UCK2: variants seen among roughly 807,000 people sequenced by gnomAD.
UCK2 encodes the protein uridine-cytidine kinase 2.
UCK2 carries 6 observed loss-of-function variants against 30.8 expected under a neutral mutation model. That is an observed-to-expected ratio of 0.19 (90% CI 0.11 to 0.38). The LOEUF (loss-of-function observed/expected upper bound fraction) is 0.38, where lower values mean the gene tolerates loss of function less well. Among genes scored for constraint, UCK2 ranks in the 10% least tolerant of loss-of-function variants. UCK2 has a pLI of 1.00. For missense variants in UCK2, 210 were observed against 339.8 expected, an observed-to-expected ratio of 0.62 and a Z score of 3.00; for synonymous variants, 125 against 133.6, an observed-to-expected ratio of 0.94 and a Z score of 0.45.
chr1:165,831,076 C>A (rs924323699), intron 1 of UCK2, among the ~76,000 whole-genome samples: 1 of 151,986 alleles, frequency 6.6e-6, no homozygotes, highest in Non-Finnish European at 1.5e-5. Context: ...CCACTACACT[C>A]CAGCCTGGGT....
At chr1:165,864,351 G>A (rs1654994240) in intron 1 of UCK2, among the ~76,000 whole-genome samples, 2 of 152,162 alleles carry the variant, frequency 1.3e-5, no homozygotes, top group Admixed American at 6.5e-5. Flanking sequence ...CACACCCAGG[G>A]TGCCAAGTGA....
At chr1:165,863,400 C>T (rs1179898579) in intron 1 of UCK2, among the ~76,000 whole-genome samples, 1 of 152,174 alleles carries the variant, frequency 6.6e-6, no homozygotes, top group Non-Finnish European at 1.5e-5. Context: ...TTTAGATTTG[C>T]AGCAGTATTA....
intron 1 of UCK2, among the ~76,000 whole-genome samples, chr1:165,879,863 ACT>A (rs566504555): frequency 2.6e-5 from 4 of 152,042 alleles, no homozygotes; most frequent in Non-Finnish European, 1.5e-5. Flanking sequence ...TGTGAAAGAG[ACT>A]CTGAAAAAGG....
intron 1 of UCK2, among the ~76,000 whole-genome samples, chr1:165,843,602 C>T (rs1210483921): frequency 6.6e-6 from 1 of 152,052 alleles, no homozygotes; most frequent in Non-Finnish European, 1.5e-5. Context: ...CATAGTAGAA[C>T]CCCCCATCTC....
chr1:165,831,267 C>A (rs1654040233), intron 1 of UCK2, among the ~76,000 whole-genome samples: 1 of 151,622 alleles, frequency 6.6e-6, no homozygotes, highest in African/African-American at 2.4e-5. Context: ...GTATGTGCCA[C>A]CAGCTTCTCA....
chr1:165,891,231 T>A lies in UCK2; in HGVS notation c.265T>A (p.Phe89Ile). ...AACAATTTGGTATTTTTCAGATGCCTTTGACAATGAACTCATTCTCAAAAC... is the reference window on the plus strand; with the variant it reads ...AACAATTTGGTATTTTTCAGATGCCATTGACAATGAACTCATTCTCAAAAC... Reference protein sequence around the residue: ...GQFNFDHPDAFDNELILKTLK... With the variant: ...GQFNFDHPDAIDNELILKTLK... Residue 89 changes from phenylalanine to isoleucine, a missense_variant, in exon 3 of 7, where the codon TTT (phenylalanine) becomes ATT (isoleucine). Coordinates refer to ENST00000367879, the MANE Select transcript of UCK2 (RefSeq NM_012474.5). 1 of 1,614,072 alleles carries A rather than the reference T, an allele frequency of 6.2e-7. No individual in the cohort carries two copies. The highest frequency in any genetic ancestry group is 8.5e-7 in the Non-Finnish European group (1 of 1,179,894).
At chr1:165,905,609 C>T (rs1647630297) in intron 5 of UCK2, among the ~76,000 whole-genome samples, 1 of 152,206 alleles carries the variant, frequency 6.6e-6, no homozygotes, top group Non-Finnish European at 1.5e-5. Context: ...GGATTAACCA[C>T]TCAGTCTGGA....
At position 165,891,460 on chromosome 1, in the gene UCK2, G is replaced by A. The variant is rs1416672797; in HGVS notation, c.356+138G>A. 5 of 721,982 alleles carry A rather than the reference G, an allele frequency of 6.9e-6. No homozygotes were observed. In the Admixed American group the frequency reaches 1.3e-4, roughly 18 times the overall value. The allele number at this position is 721,982 out of a possible 1,614,324, so 44.7% of individuals were successfully genotyped here. A position where few individuals can be genotyped will look rare whatever the true frequency, so the allele number is the denominator to read the frequency against. ...TGCCTAATGCCATTCCAGCTGGTCA[G>A]TGGAGTGGGTGGTGGCAGCAGTGTG... On this transcript the variant is annotated intron_variant, in intron 3 of 6. Transcript: ENST00000367879.
At position 165,832,136 on chromosome 1, in the gene UCK2, C is replaced by G. The variant is rs1654064065; in HGVS notation, c.99+4204C>G. Among the ~76,000 whole-genome samples the G allele has an allele frequency of 3.9e-5, 6 of 152,162 alleles. No homozygotes were observed. The South Asian group carries it at 1.2e-3, about 31-fold the overall frequency. On this transcript the variant is annotated intron_variant, in intron 1 of 6. Transcript: ENST00000367879. ...AACTGTCTTCACTTACATTTTTGCT[C>G]AGTGGTCTTCTTTTTGTAATGGCCT...
At chr1:165,897,756 TGCC>T (rs2101885289) in intron 4 of UCK2, among the ~76,000 whole-genome samples, 1 of 152,340 alleles carries the variant, frequency 6.6e-6, no homozygotes. Context: ...TCCTGAGCTT[TGCC>T]CTTCTAAGTA....
At chr1:165,886,540 C>T (rs188072937) in intron 1 of UCK2, among the ~76,000 whole-genome samples, 3 of 152,322 alleles carry the variant, frequency 2.0e-5, no homozygotes, top group Admixed American at 2.0e-4. Context: ...AGTGATCCTC[C>T]TGCCCTAGCT....
intron 1 of UCK2, among the ~76,000 whole-genome samples, chr1:165,879,738 G>A (rs1045703973): frequency 6.6e-6 from 1 of 151,854 alleles, no homozygotes; most frequent in African/African-American, 2.4e-5. Context: ...GATGAATGAC[G>A]AATTCAGCAA....
At chr1:165,888,577 C>G (rs570283896) in intron 1 of UCK2, among the ~76,000 whole-genome samples, 35 of 152,024 alleles carry the variant, frequency 2.3e-4, no homozygotes, top group African/African-American at 7.7e-4. Context: ...TGTGAGCTAC[C>G]CTGCCTGGCC....
Position 165,827,797 on chromosome 1 carries a change from G to C in UCK2, c.-37G>C. 1 of 1,363,186 alleles carries C rather than the reference G, an allele frequency of 7.3e-7. No homozygotes were observed. Among genetic ancestry groups the C allele is most frequent in the South Asian group, 1.9e-5 (1 of 54,036 alleles). The allele number at this position is 1,363,186 out of a possible 1,614,324, so 84.4% of individuals were successfully genotyped here. A position where few individuals can be genotyped will look rare whatever the true frequency, so the allele number is the denominator to read the frequency against. On this transcript the variant is annotated 5_prime_UTR_variant, in exon 1 of 7. Transcript: ENST00000367879. ...GGGCGCGGGCGGGGAGCGTGCGTCC[G>C]TTCGCACAGGCAGCGGGAGGAGGGG...
chr1:165,900,194 T>C (rs6682285), intron 4 of UCK2: 41,865 of 152,088 alleles, frequency 0.28, 6,043 homozygotes, highest in South Asian at 0.46. Context: ...GCTCCCACGG[T>C]GTTGAGCTGC....
rs2101845754 is a variant in UCK2 at position 165,830,465 on chromosome 1, C to T, written c.99+2533C>T. ...TCAGCCTCCCAAGTAGCTGGGACTA[C>T]AGGTGCCCGCCACCACGCCTGGCCA... On this transcript the variant is annotated intron_variant, in intron 1 of 6. Coordinates refer to ENST00000367879, the MANE Select transcript of UCK2 (RefSeq NM_012474.5). Among the ~76,000 whole-genome samples the T allele has an allele frequency of 1.3e-5, 2 of 152,004 alleles. 1 individual carries two copies. The highest frequency in any genetic ancestry group is 4.2e-4 in the South Asian group (2 of 4,814).
intron 1 of UCK2, among the ~76,000 whole-genome samples, chr1:165,857,698 G>A (rs1464370693): frequency 6.6e-6 from 1 of 152,176 alleles, no homozygotes; most frequent in Non-Finnish European, 1.5e-5. Flanking sequence ...GCAGTTTGAG[G>A]CTTGACAGCC....
intron 2 of UCK2, chr1:165,890,906 C>T (rs1655749369): frequency 3.3e-6 from 1 of 306,404 alleles, no homozygotes; most frequent in Non-Finnish European, 6.2e-6. Flanking sequence ...GGTTTGCTTT[C>T]CAGGTCAGTT....
chr1:165,870,900 C>T (rs1205828294), intron 1 of UCK2, among the ~76,000 whole-genome samples: 1 of 152,232 alleles, frequency 6.6e-6, no homozygotes, highest in East Asian at 1.9e-4. Context: ...TCATTGCAAC[C>T]TCCGCCGTCC....
Sources: gnomAD v4.1 joint callset for allele counts (sites outside exome capture counted in the v4.1 genomes callset) on GRCh38, gnomAD v4.1.1 for gene constraint, MANE v1.5 for transcripts, NCBI Gene and HGNC (gene_info 2026-07-23, HGNC 2026-07-21) for gene names.